The following SV2B variants were observed in gnomAD, a reference collection of about 807,000 sequenced individuals.
The protein encoded by SV2B is synaptic vesicle glycoprotein 2B.
SV2B carries 41 observed loss-of-function variants against 73.9 expected under a neutral mutation model. That is an observed-to-expected ratio of 0.56 (90% CI 0.43 to 0.72). The LOEUF (loss-of-function observed/expected upper bound fraction) is 0.72, where lower values mean the gene tolerates loss of function less well. SV2B is among the 30% of genes least tolerant of loss of function. The probability of loss-of-function intolerance (pLI) is 0.00; values close to 1 mark genes in which losing one functional copy is unlikely to be tolerated. For missense variants in SV2B, 764 were observed against 857.8 expected, an observed-to-expected ratio of 0.89 and a Z score of 1.37; for synonymous variants, 314 against 314.2, an observed-to-expected ratio of 1.00 and a Z score of 0.01.
At chr15:91,175,163 C>T (rs2044257832) in intron 1 of SV2B, among the ~76,000 whole-genome samples, 1 of 152,134 alleles carries the variant, frequency 6.6e-6, no homozygotes, top group Non-Finnish European at 1.5e-5. Context: ...TCACCTTTTC[C>T]CCACTAATAA....
At chr15:91,237,883 T>C (rs999940522) in intron 2 of SV2B, among the ~76,000 whole-genome samples, 1 of 152,220 alleles carries the variant, frequency 6.6e-6, no homozygotes, top group African/African-American at 2.4e-5. Flanking sequence ...AGATTTTCAA[T>C]GGTTTTCCTA....
intron 1 of SV2B, among the ~76,000 whole-genome samples, chr15:91,173,667 T>C (rs1175759986): frequency 6.6e-6 from 1 of 152,194 alleles, no homozygotes; most frequent in Non-Finnish European, 1.5e-5. Context: ...AGTTCCAACC[T>C]GGGAGAAATG....
chr15:91,176,604 C>G (rs2044318453), intron 1 of SV2B, among the ~76,000 whole-genome samples: 1 of 152,016 alleles, frequency 6.6e-6, no homozygotes, highest in African/African-American at 2.4e-5. Context: ...GAGATGGTAT[C>G]TCATTGTGGT....
intron 1 of SV2B, among the ~76,000 whole-genome samples, chr15:91,114,558 T>C (rs78710420): frequency 0.052 from 7,968 of 152,232 alleles, 243 homozygotes; most frequent in Middle Eastern, 0.12. Context: ...AGGGGTCCGT[T>C]TTTATTGACT....
rs145995351 is a variant in SV2B, at chr15:91,227,951, C to A, written c.451+1237C>A. ...ATCACTCAACTCTGTCACTGTAGCACAATAGCAGCTTTGAACAACACGTAA... is the reference window on the plus strand; with the variant it reads ...ATCACTCAACTCTGTCACTGTAGCAAAATAGCAGCTTTGAACAACACGTAA... On this transcript the variant is annotated intron_variant, in intron 2 of 12. Coordinates refer to ENST00000394232, the MANE Select transcript of SV2B (RefSeq NM_001323032.3). This position sits in a 1 kb window ranked among gnomAD's most constrained non-coding sequence, Gnocchi z 4.5. Among the ~76,000 whole-genome samples the A allele has an allele frequency of 2.0e-3, 303 of 152,302 alleles. No homozygotes were observed. Among genetic ancestry groups the A allele is most frequent in the Middle Eastern group, 0.014 (4 of 294 alleles).
Position 91,302,173 on chromosome 15 carries a change from T to C in SV2B, c.*9621T>C, listed in dbSNP as rs906956747. 2.0e-5 allele frequency among the ~76,000 whole-genome samples: 3 copies of C among 152,214 alleles called. No homozygotes were observed. Among genetic ancestry groups the C allele is most frequent in the Non-Finnish European group, 1.5e-5 (1 of 68,044 alleles). On this transcript the variant is annotated 3_prime_UTR_variant, in exon 13 of 13. Transcript: ENST00000394232. ...GTATTTGATACGTAGTAGGTCTCAA[T>C]AGATGATGAATAGACCGATGAATGA...
In SV2B at chr15:91,130,126, G is replaced by C. The variant is rs1216801072; in HGVS notation, c.-392+29763G>C. ...TGAACAGTGGTAGGAGAAAGGAAAGGAGAGATGGATGAGATGATTCTTAAT... is the reference window on the plus strand; with the variant it reads ...TGAACAGTGGTAGGAGAAAGGAAAGCAGAGATGGATGAGATGATTCTTAAT... On this transcript the variant is annotated intron_variant, in intron 1 of 12. Coordinates refer to ENST00000394232, the MANE Select transcript of SV2B (RefSeq NM_001323032.3). The surrounding 1 kb of genome is among the most constrained non-coding windows in gnomAD (Gnocchi z 5.6). 6.6e-6 allele frequency among the ~76,000 whole-genome samples: 1 copy of C among 152,226 alleles called. No individual in the cohort carries two copies. The highest frequency in any genetic ancestry group is 2.4e-5 in the African/African-American group (1 of 41,468).
Position 91,183,837 on chromosome 15 carries a change from A to C in SV2B, c.-391-42036A>C, listed in dbSNP as rs1161864816. On this transcript the variant is annotated intron_variant, in intron 1 of 12. Coordinates refer to ENST00000394232, the MANE Select transcript of SV2B (RefSeq NM_001323032.3). ...AGGGGGAGGAAACCGACTATTTGCCAAGGACAGGATGGAACATAAATTGAA... is the reference window on the plus strand; with the variant it reads ...AGGGGGAGGAAACCGACTATTTGCCCAGGACAGGATGGAACATAAATTGAA... 2.0e-5 allele frequency among the ~76,000 whole-genome samples: 3 copies of C among 152,370 alleles called. No homozygotes were observed. In the East Asian group the frequency reaches 5.8e-4, roughly 29 times the overall value.
chr15:91,228,428 A>G (rs763292042), intron 2 of SV2B, among the ~76,000 whole-genome samples: 22 of 152,138 alleles, frequency 1.4e-4, no homozygotes, highest in Non-Finnish European at 2.2e-4. Flanking sequence ...AAAACCAAAG[A>G]CCCCAAACAA....
intron 1 of SV2B, among the ~76,000 whole-genome samples, chr15:91,210,875 T>C (rs945999299): frequency 2.0e-5 from 3 of 152,236 alleles, no homozygotes; most frequent in Admixed American, 2.0e-4. Flanking sequence ...TTAAAATATC[T>C]GTTCACTGGA....
Position 91,223,901 on chromosome 15 carries a change from G to T in SV2B, c.-391-1972G>T, listed in dbSNP as rs188126385. ...GTGTTATTTGTGGAAAATGCAGATT[G>T]CAGGGCCCTGCCCTATCCTGCAGAT... On this transcript the variant is annotated intron_variant, in intron 1 of 12. Coordinates refer to ENST00000394232, the MANE Select transcript of SV2B (RefSeq NM_001323032.3). The surrounding 1 kb of genome is among the most constrained non-coding windows in gnomAD (Gnocchi z 4.6). Among the ~76,000 whole-genome samples the T allele has an allele frequency of 2.1e-4, 32 of 152,350 alleles. No homozygotes were observed. Among genetic ancestry groups the T allele is most frequent in the African/African-American group, 7.0e-4 (29 of 41,578 alleles).
intron 1 of SV2B, among the ~76,000 whole-genome samples, chr15:91,103,746 G>A (rs1367180158): frequency 6.6e-6 from 1 of 152,196 alleles, no homozygotes; most frequent in Admixed American, 6.5e-5. Context: ...ATAGAATGAG[G>A]TGAGGCTGGG....
chr15:91,137,454 C>T lies in SV2B; in HGVS notation c.-392+37091C>T, dbSNP rs559432070. On this transcript the variant is annotated intron_variant, in intron 1 of 12. Coordinates refer to ENST00000394232, the MANE Select transcript of SV2B (RefSeq NM_001323032.3). The surrounding 1 kb of genome is among the most constrained non-coding windows in gnomAD (Gnocchi z 4.9). ...CAGTTAACAAATCACTAGTGAGTAA[C>T]TGTGTGTCAGGCATGAGGTGGAAGA... 1.7e-3 allele frequency among the ~76,000 whole-genome samples: 253 copies of T among 151,692 alleles called. 1 individual carries two copies. The highest frequency in any genetic ancestry group is 2.7e-3 in the Admixed American group (41 of 15,208).
At chr15:91,134,399 G>T (rs1316062918) in intron 1 of SV2B, among the ~76,000 whole-genome samples, 1 of 152,138 alleles carries the variant, frequency 6.6e-6, no homozygotes, top group Non-Finnish European at 1.5e-5. Context: ...ATTCAAGACC[G>T]CTGGGATTCT....
In SV2B at chr15:91,224,869, G is replaced by A. The variant is rs1214573618; in HGVS notation, c.-391-1004G>A. Among the ~76,000 whole-genome samples, 1 of 152,130 alleles carries A rather than the reference G, an allele frequency of 6.6e-6. No homozygotes were observed. Among genetic ancestry groups the A allele is most frequent in the African/African-American group, 2.4e-5 (1 of 41,434 alleles). ...AAACCTGAGATTCTAGGCACAATGA[G>A]AATCCACTGGGCAAAGGAGTCAACA... On this transcript the variant is annotated intron_variant, in intron 1 of 12. Coordinates refer to ENST00000394232, the MANE Select transcript of SV2B (RefSeq NM_001323032.3). The surrounding 1 kb of genome is among the most constrained non-coding windows in gnomAD (Gnocchi z 4.9).
At chr15:91,157,979 G>A (rs932499894) in intron 1 of SV2B, among the ~76,000 whole-genome samples, 1 of 152,190 alleles carries the variant, frequency 6.6e-6, no homozygotes. Context: ...CACTGGTTTT[G>A]GATTCAGGGG....
At chr15:91,264,000 C>G (rs531978465) in intron 6 of SV2B, among the ~76,000 whole-genome samples, 1 of 152,386 alleles carries the variant, frequency 6.6e-6, no homozygotes, top group African/African-American at 2.4e-5. Flanking sequence ...AGATTTATTT[C>G]AAATGCACAC....
intron 1 of SV2B, among the ~76,000 whole-genome samples, chr15:91,213,885 A>C (rs927808363): frequency 6.6e-6 from 1 of 152,218 alleles, no homozygotes. Context: ...TTAGCAAGGA[A>C]GTGGTAGAGC....
chr15:91,261,124 A>C lies in SV2B; in HGVS notation c.1008+715A>C, dbSNP rs2047896549. Among the ~76,000 whole-genome samples the C allele has an allele frequency of 6.6e-6, 1 of 152,160 alleles. No homozygotes were observed. The highest frequency in any genetic ancestry group is 1.5e-5 in the Non-Finnish European group (1 of 68,032). ...AAAAATACAAAAAAATCAGCTGGGCATGGTGGCGGGTACCTAAAATCCCAG... is the reference window on the plus strand; with the variant it reads ...AAAAATACAAAAAAATCAGCTGGGCCTGGTGGCGGGTACCTAAAATCCCAG... On this transcript the variant is annotated intron_variant, in intron 6 of 12. Transcript: ENST00000394232. The surrounding 1 kb of genome is among the most constrained non-coding windows in gnomAD (Gnocchi z 4.7).
Sources: allele counts gnomAD v4.1 joint callset (sites outside exome capture counted in the v4.1 genomes callset), GRCh38; gene constraint gnomAD v4.1.1; non-coding constraint Gnocchi (gnomAD v3.1); transcripts MANE v1.5; gene names NCBI Gene and HGNC (gene_info 2026-07-23, HGNC 2026-07-21).